MYCBP2: variants seen among roughly 807,000 people sequenced by gnomAD.
The protein encoded by MYCBP2 is MYC binding protein 2, also known as E3 ubiquitin-protein ligase MYCBP2.
A neutral mutation model predicts 525.3 loss-of-function variants in MYCBP2; 120 were observed. The observed-to-expected ratio is 0.23, with a 90% CI of 0.20 to 0.27. The LOEUF (loss-of-function observed/expected upper bound fraction) is 0.27. Ranked by LOEUF, MYCBP2 falls within the 10% of genes least tolerant of loss-of-function variation. The pLI, the probability that MYCBP2 is intolerant of heterozygous loss-of-function variation, is 1.00. For synonymous variants in MYCBP2, 1,894 were observed against 1,955.8 expected, an observed-to-expected ratio of 0.97 and a Z score of 0.83; for missense variants, 4,149 against 5,657.1, an observed-to-expected ratio of 0.73 and a Z score of 8.55.
chr13:77,292,974 A>AAG (rs2077655131), intron 2 of MYCBP2, among the ~76,000 whole-genome samples: 4 of 151,272 alleles, frequency 2.6e-5, no homozygotes, highest in East Asian at 3.9e-4. Context: ...AAAAAAAAAA[A>AAG]AAAGAAAGAA....
chr13:77,199,049 G>A (rs2062097780), intron 26 of MYCBP2, among the ~76,000 whole-genome samples: 1 of 152,200 alleles, frequency 6.6e-6, no homozygotes. Context: ...CAAGATGGCT[G>A]AATAGGAACA....
At chr13:77,070,251 C>T (rs182800643) in intron 69 of MYCBP2, among the ~76,000 whole-genome samples, 313 of 152,270 alleles carry the variant, frequency 2.1e-3, no homozygotes, top group African/African-American at 7.1e-3. Context: ...TCTGCAGGAC[C>T]TATAAAAGGG....
intron 46 of MYCBP2, among the ~76,000 whole-genome samples, chr13:77,155,213 A>T (rs1291270750): frequency 6.6e-6 from 1 of 152,152 alleles, no homozygotes; most frequent in Non-Finnish European, 1.5e-5. Context: ...CTTAGGTAAG[A>T]TGCTACATTG....
chr13:77,263,909 T>C lies in MYCBP2; in HGVS notation c.1431+20A>G. On this transcript the variant is annotated intron_variant, in intron 9 of 82. Transcript: ENST00000544440. ...AAGGAATTCCATTTACACTAGCTAC[T>C]TAAGATTCAGGATACTTACATCTCT... 1 of 1,609,374 alleles carries C rather than the reference T, an allele frequency of 6.2e-7. No individual in the cohort carries two copies. The highest frequency in any genetic ancestry group is 8.5e-7 in the Non-Finnish European group (1 of 1,177,008).
chr13:77,157,871 C>T (rs189611786), intron 45 of MYCBP2, 66 bp downstream of exon 45: 1 of 1,293,358 alleles, frequency 7.7e-7, no homozygotes, highest in East Asian at 2.5e-5. Flanking sequence ...CTAATGACTC[C>T]CCTCTTTCAG....
chr13:77,166,325 T>G lies in MYCBP2; in HGVS notation c.6340+4A>C. The G allele has an allele frequency of 6.3e-7, 1 of 1,576,496 alleles. No homozygotes were observed. Among genetic ancestry groups the G allele is most frequent in the Non-Finnish European group, 8.6e-7 (1 of 1,164,552 alleles). Reference sequence around the variant, plus strand: ...ACATAAAACAGAAGAAAAAAAAAACTTACCTGGCAACACCAAAACCATAGT... The same window carrying G: ...ACATAAAACAGAAGAAAAAAAAAACGTACCTGGCAACACCAAAACCATAGT... On this transcript the variant is annotated splice_donor_region_variant and intron_variant, in intron 41 of 82. Coordinates refer to ENST00000544440, the MANE Select transcript of MYCBP2 (RefSeq NM_015057.5).
intron 58 of MYCBP2, 136 bp downstream of exon 58, chr13:77,095,222 A>C: frequency 9.2e-7 from 1 of 1,085,086 alleles, no homozygotes; most frequent in Non-Finnish European, 1.3e-6. Flanking sequence ...CAACTCAAAA[A>C]ATAAATGCCT....
intron 18 of MYCBP2, among the ~76,000 whole-genome samples, chr13:77,227,573 C>T (rs1021482703): frequency 2.0e-5 from 3 of 151,712 alleles, no homozygotes; most frequent in African/African-American, 7.3e-5. Flanking sequence ...AGAAATTTTA[C>T]GGCTTTATCT....
intron 82 of MYCBP2, among the ~76,000 whole-genome samples, chr13:77,049,855 C>G (rs966504446): frequency 6.6e-6 from 1 of 152,100 alleles, no homozygotes; most frequent in Admixed American, 6.5e-5. Context: ...AGGCTGGTCT[C>G]GTACTCCTGA....
intron 52 of MYCBP2, among the ~76,000 whole-genome samples, chr13:77,127,314 T>C (rs1428910689): frequency 6.6e-6 from 1 of 152,046 alleles, no homozygotes; most frequent in East Asian, 1.9e-4. Flanking sequence ...ACTTCTAAAA[T>C]GAAAGAACCT....
chr13:77,183,165 T>A (rs188887051), intron 32 of MYCBP2, among the ~76,000 whole-genome samples: 1 of 152,230 alleles, frequency 6.6e-6, no homozygotes, highest in African/African-American at 2.4e-5. Context: ...TTTAAGAGCA[T>A]CTATGTTTCT....
chr13:77,294,131 C>CATATATATATATACATATATATAAAAT, intron 2 of MYCBP2, among the ~76,000 whole-genome samples: 1 of 65,692 alleles, frequency 1.5e-5, no homozygotes. Context: ...TATATATATA[C>CATATATATATATACATATATATAAAAT]ATATATATAT....
chr13:77,174,511 C>G (rs1330102894), intron 36 of MYCBP2, 22 bp from the exon 37 acceptor site: 2 of 1,598,070 alleles, frequency 1.3e-6, no homozygotes, highest in Non-Finnish European at 1.7e-6. Context: ...AGATGTAAAA[C>G]ATCTTTTATT....
chr13:77,175,311 A>G (rs2059588229), intron 36 of MYCBP2, among the ~76,000 whole-genome samples: 1 of 152,056 alleles, frequency 6.6e-6, no homozygotes, highest in Non-Finnish European at 1.5e-5. Flanking sequence ...TGTGAGGAAA[A>G]AAATGGTGAG....
At chr13:77,172,489 T>C (rs2059240755) in intron 37 of MYCBP2, among the ~76,000 whole-genome samples, 2 of 152,184 alleles carry the variant, frequency 1.3e-5, no homozygotes, top group Admixed American at 6.5e-5. Context: ...TCACTCTGGC[T>C]GTGCTGTAGA....
At chr13:77,056,099 GGTGT>G (rs56952443) in intron 79 of MYCBP2, among the ~76,000 whole-genome samples, 11,885 of 120,292 alleles carry the variant, frequency 0.099, 507 homozygotes, top group South Asian at 0.12. Context: ...CTCTGTGTTT[GGTGT>G]GTGTGTGTGT....
rs1317314721 is a variant in MYCBP2 at position 77,081,613 on chromosome 13, G to A, written c.11232C>T (p.Ser3744=). 6.2e-7 allele frequency: 1 copy of A among 1,613,658 alleles called. No individual in the cohort carries two copies. The highest frequency in any genetic ancestry group is 8.5e-7 in the Non-Finnish European group (1 of 1,179,864). Reference sequence around the variant, plus strand: ...GGCTTGAAGTTTTTATGTCAACAATGCTGGTTAAGTCCTTTAAGCACATTA... The same window carrying A: ...GGCTTGAAGTTTTTATGTCAACAATACTGGTTAAGTCCTTTAAGCACATTA... The part of the protein sequence containing the change: ...CIVMCLKDLT[S]IVDIKTSSRP... Residue 3744 remains serine (S), a synonymous_variant, in exon 65 of 83, where the codon AGC becomes AGT. Transcript: ENST00000544440. This position sits in a 1 kb window ranked among gnomAD's most constrained non-coding sequence, Gnocchi z 4.6.
chr13:77,146,233 C>T lies in MYCBP2; in HGVS notation c.7132-16G>A. 6.5e-7 allele frequency: 1 copy of T among 1,541,890 alleles called. No individual in the cohort carries two copies. Among genetic ancestry groups the T allele is most frequent in the Non-Finnish European group, 8.8e-7 (1 of 1,136,070 alleles). ...TTTCATAAACCTTTAAGAAAGAGAC[C>T]AGTCTGAACAATCGTAAAATCATTT... On this transcript the variant is annotated splice_polypyrimidine_tract_variant and intron_variant, in intron 47 of 82. Coordinates refer to ENST00000544440, the MANE Select transcript of MYCBP2 (RefSeq NM_015057.5).
intron 1 of MYCBP2, among the ~76,000 whole-genome samples, chr13:77,306,880 C>A (rs577257489): frequency 5.3e-5 from 8 of 151,922 alleles, no homozygotes; most frequent in Middle Eastern, 3.4e-3. Context: ...GTGGGATTTT[C>A]GGAAAGATTG....
Sources: allele counts gnomAD v4.1 joint callset (sites outside exome capture counted in the v4.1 genomes callset), GRCh38; gene constraint gnomAD v4.1.1; non-coding constraint Gnocchi (gnomAD v3.1); transcripts MANE v1.5; gene names NCBI Gene and HGNC (gene_info 2026-07-23, HGNC 2026-07-21).